ACVR1: variants seen among roughly 807,000 people sequenced by gnomAD.
ACVR1 encodes the protein activin receptor type-1.
A neutral mutation model predicts 57.1 loss-of-function variants in ACVR1; 38 were observed. The observed-to-expected ratio is 0.67, with a 90% CI of 0.51 to 0.87. The LOEUF (loss-of-function observed/expected upper bound fraction) is 0.87, where lower values mean the gene tolerates loss of function less well. Among genes scored for constraint, ACVR1 ranks in the 40% least tolerant of loss-of-function variants. The pLI is 0.00. For missense variants in ACVR1, 463 were observed against 638.2 expected, an observed-to-expected ratio of 0.73 and a Z score of 2.96; for synonymous variants, 212 against 228.1, an observed-to-expected ratio of 0.93 and a Z score of 0.63.
chr2:157,848,802 T>C (rs1689208108), intron 1 of ACVR1, among the ~76,000 whole-genome samples: 1 of 152,164 alleles, frequency 6.6e-6, no homozygotes, highest in South Asian at 2.1e-4. Context: ...CAGTTGATGG[T>C]TGAAAGTCAA....
intron 8 of ACVR1, among the ~76,000 whole-genome samples, chr2:157,764,316 G>GAA (rs1220115302): frequency 2.6e-5 from 4 of 151,406 alleles, no homozygotes; most frequent in African/African-American, 9.7e-5. Context: ...CCCAGTAGCT[G>GAA]AGATTCCAGA....
intron 3 of ACVR1, among the ~76,000 whole-genome samples, chr2:157,797,325 T>C (rs1687159788): frequency 6.6e-6 from 1 of 152,200 alleles, no homozygotes; most frequent in Admixed American, 6.5e-5. Flanking sequence ...TACTAACTTG[T>C]CAAATTATAT....
At position 157,817,565 on chromosome 2, in the gene ACVR1, G is replaced by A. The variant is rs1687984611; in HGVS notation, c.-8+820C>T. ...AATGATATGTCGAAGTAGGTTCATT[G>A]ATTGTAGTACATGTACTACTCTGGT... On this transcript the variant is annotated intron_variant, in intron 2 of 10. Coordinates refer to ENST00000434821, the MANE Select transcript of ACVR1 (RefSeq NM_001111067.4). 2.6e-5 allele frequency among the ~76,000 whole-genome samples: 4 copies of A among 152,110 alleles called. No homozygotes were observed. The South Asian group carries it at 8.3e-4, about 32-fold the overall frequency.
intron 1 of ACVR1, among the ~76,000 whole-genome samples, chr2:157,848,966 G>A (rs1689212462): frequency 6.6e-6 from 1 of 152,004 alleles, no homozygotes; most frequent in South Asian, 2.1e-4. Context: ...AGTTTAGAGG[G>A]AAAGATAATC....
chr2:157,772,827 G>C (rs1327633891), intron 6 of ACVR1, among the ~76,000 whole-genome samples: 4 of 152,208 alleles, frequency 2.6e-5, no homozygotes, highest in Non-Finnish European at 5.9e-5. Context: ...TGGAGGAGAA[G>C]CGAGAAGCAG....
At chr2:157,848,075 G>A (rs2105361942) in intron 1 of ACVR1, among the ~76,000 whole-genome samples, 1 of 152,322 alleles carries the variant, frequency 6.6e-6, no homozygotes, top group South Asian at 2.1e-4. Flanking sequence ...GTGAGATCCT[G>A]TAACTGAAAA....
chr2:157,849,410 T>C (rs1689224293), intron 1 of ACVR1, among the ~76,000 whole-genome samples: 1 of 152,246 alleles, frequency 6.6e-6, no homozygotes. Context: ...ATAGTGTTCA[T>C]TCACTATTAT....
chr2:157,850,298 G>A (rs1027962789), intron 1 of ACVR1, among the ~76,000 whole-genome samples: 42 of 151,832 alleles, frequency 2.8e-4, no homozygotes, highest in African/African-American at 1.0e-3. Flanking sequence ...GCTGAGGCAG[G>A]AGAATCATTT....
intron 9 of ACVR1, among the ~76,000 whole-genome samples, chr2:157,754,965 CAA>C (rs1462536124): frequency 7.9e-5 from 12 of 152,212 alleles, no homozygotes; most frequent in Admixed American, 3.3e-4. Flanking sequence ...ATATGCAAGT[CAA>C]TAAATGTCAT....
chr2:157,775,356 G>GT (rs1686240367), intron 5 of ACVR1, among the ~76,000 whole-genome samples: 1 of 152,184 alleles, frequency 6.6e-6, no homozygotes, highest in Admixed American at 6.5e-5. Context: ...CAAGAAGCAG[G>GT]TATCAGGCAT....
At chr2:157,741,336 G>A (rs1684751493) in intron 9 of ACVR1, among the ~76,000 whole-genome samples, 1 of 152,088 alleles carries the variant, frequency 6.6e-6, no homozygotes, top group Non-Finnish European at 1.5e-5. Context: ...CTTGGCAGGA[G>A]GGATAAAAGA....
At chr2:157,810,172 C>G (rs1454848871) in intron 2 of ACVR1, among the ~76,000 whole-genome samples, 5 of 152,214 alleles carry the variant, frequency 3.3e-5, no homozygotes, top group Non-Finnish European at 7.3e-5. Flanking sequence ...TTGTCCACAA[C>G]CTTCAAACAC....
chr2:157,764,868 A>AT (rs948760605), intron 8 of ACVR1, among the ~76,000 whole-genome samples: 1 of 152,102 alleles, frequency 6.6e-6, no homozygotes, highest in Admixed American at 6.5e-5. Flanking sequence ...AAACATTGTA[A>AT]TTTCTCAATG....
chr2:157,747,655 T>G (rs1310549779), intron 9 of ACVR1, among the ~76,000 whole-genome samples: 6 of 152,176 alleles, frequency 3.9e-5, no homozygotes, highest in Non-Finnish European at 8.8e-5. Flanking sequence ...TTTTTTCTGT[T>G]TTGGGAGAGT....
At chr2:157,749,959 G>A (rs1287357175) in intron 9 of ACVR1, among the ~76,000 whole-genome samples, 1 of 152,190 alleles carries the variant, frequency 6.6e-6, no homozygotes, top group Non-Finnish European at 1.5e-5. Context: ...GGGTGCCTAG[G>A]GATTGTCTGC....
In ACVR1 at chr2:157,779,667, T is replaced by C. The variant is rs184159601; in HGVS notation, c.331+670A>G. Among the ~76,000 whole-genome samples the C allele has an allele frequency of 2.0e-5, 3 of 152,332 alleles. No individual in the cohort carries two copies. In the East Asian group the frequency reaches 5.8e-4, roughly 29 times the overall value. Reference sequence around the variant, plus strand: ...AAATTTGGCTTGGAATGAGTTTACATAAATGTTTGCAGAGACTTTAAGATT... The same window carrying C: ...AAATTTGGCTTGGAATGAGTTTACACAAATGTTTGCAGAGACTTTAAGATT... On this transcript the variant is annotated intron_variant, in intron 4 of 10. Transcript: ENST00000434821.
intron 1 of ACVR1, among the ~76,000 whole-genome samples, chr2:157,849,902 T>A (rs1171253335): frequency 6.6e-6 from 1 of 152,230 alleles, no homozygotes; most frequent in Non-Finnish European, 1.5e-5. Flanking sequence ...GCAGATTCTT[T>A]AAACCAGTAA....
intron 2 of ACVR1, among the ~76,000 whole-genome samples, chr2:157,817,126 ATTT>A (rs898213432): frequency 6.7e-6 from 1 of 150,034 alleles, no homozygotes; most frequent in South Asian, 2.1e-4. Flanking sequence ...CACCTGGCTA[ATTT>A]TTTTTTTCTT....
chr2:157,843,670 T>C (rs1367716196), intron 1 of ACVR1, among the ~76,000 whole-genome samples: 1 of 152,144 alleles, frequency 6.6e-6, no homozygotes, highest in Non-Finnish European at 1.5e-5. Flanking sequence ...TTTTCTCCCA[T>C]GATATCATGG....
Sources: allele counts gnomAD v4.1 joint callset (sites outside exome capture counted in the v4.1 genomes callset), GRCh38; gene constraint gnomAD v4.1.1; transcripts MANE v1.5; gene names NCBI Gene and HGNC (gene_info 2026-07-23, HGNC 2026-07-21).